Variants in CEP85L observed in about 807,000 individuals in gnomAD.
CEP85L encodes centrosomal protein of 85 kDa-like.
In CEP85L, 60 loss-of-function variants were observed where a neutral mutation model predicts 100.3. The ratio of observed to expected loss-of-function variants is 0.60; its 90% CI spans 0.49 to 0.74. The LOEUF (loss-of-function observed/expected upper bound fraction) is 0.74. Ranked by LOEUF, CEP85L falls within the 30% of genes least tolerant of loss-of-function variation. CEP85L has a pLI of 0.00. For missense variants in CEP85L, 973 were observed against 936.2 expected (o/e 1.04, Z -0.51); for synonymous variants, 319 against 322.7 (o/e 0.99, Z 0.12).
At chr6:118,572,394 G>C (rs1416207511) in intron 2 of CEP85L, among the ~76,000 whole-genome samples, 7 of 149,838 alleles carry the variant, frequency 4.7e-5, no homozygotes, top group Non-Finnish European at 1.0e-4. Flanking sequence ...TCTCTACTTA[G>C]AAAAAAACAA....
intron 1 of CEP85L, among the ~76,000 whole-genome samples, chr6:118,689,725 C>T (rs1258533361): frequency 6.6e-6 from 1 of 152,040 alleles, no homozygotes; most frequent in Non-Finnish European, 1.5e-5. Flanking sequence ...GGTTTGAAGC[C>T]TCATGAGTAC....
chr6:118,502,680 G>A, intron 5 of CEP85L: 1 of 461,144 alleles, frequency 2.2e-6, no homozygotes, highest in Non-Finnish European at 4.0e-6. Flanking sequence ...ATGAGCATTT[G>A]AACACCTGAC....
chr6:118,619,058 C>T (rs950704964), intron 2 of CEP85L, among the ~76,000 whole-genome samples: 16 of 151,556 alleles, frequency 1.1e-4, no homozygotes, highest in Admixed American at 6.5e-4. Context: ...GACGATCATG[C>T]GCTCCGAGCA....
chr6:118,656,232 C>G (rs1302352880), upstream of CEP85L, among the ~76,000 whole-genome samples: 1 of 151,844 alleles, frequency 6.6e-6, no homozygotes, highest in East Asian at 1.9e-4. Flanking sequence ...GAAAAAGGGG[C>G]AAAGAATGTA....
At position 118,668,976 on chromosome 6, in the gene CEP85L, G is replaced by A. The variant is rs562668493; in HGVS notation, c.-27-16168C>T. The stretch of plus-strand genomic sequence containing the variant: ...GACTCAAGTTTCTTGCCAGAGAGCT[G>A]ATTTGCAGAAGTAAACAAACTGGGA... On this transcript the variant is annotated intron_variant, in intron 1 of 13. Transcript: ENST00000368488. Among the ~76,000 whole-genome samples, 9 of 152,282 alleles carry A rather than the reference G, an allele frequency of 5.9e-5. No individual in the cohort carries two copies. In the South Asian group the frequency reaches 1.7e-3, roughly 28 times the overall value.
chr6:118,588,697 A>G (rs1004650014), intron 2 of CEP85L, among the ~76,000 whole-genome samples: 1 of 152,202 alleles, frequency 6.6e-6, no homozygotes, highest in Non-Finnish European at 1.5e-5. Context: ...ACTCAATACT[A>G]TAACTCAATA....
chr6:118,617,734 C>T (rs1214787138), intron 2 of CEP85L, among the ~76,000 whole-genome samples: 1 of 152,146 alleles, frequency 6.6e-6, no homozygotes, highest in East Asian at 1.9e-4. Context: ...GTATCTGTCA[C>T]TCGCCATGGT....
At chr6:118,607,068 A>G (rs62422222) in intron 2 of CEP85L, among the ~76,000 whole-genome samples, 1 of 152,084 alleles carries the variant, frequency 6.6e-6, no homozygotes, top group Non-Finnish European at 1.5e-5. Flanking sequence ...ATCATAAAGG[A>G]AAATTTTTTT....
chr6:118,491,114 G>A lies in CEP85L; in HGVS notation c.1437+572C>T, dbSNP rs115183340. Among the ~76,000 whole-genome samples, 1,234 of 150,886 alleles carry A rather than the reference G, an allele frequency of 8.2e-3. 14 individuals are homozygous for A. The highest frequency in any genetic ancestry group is 0.029 in the African/African-American group (1,172 of 41,102). ...AAGGAGTCTCCACGCTGTTCTCCAC[G>A]CTGTTTTCCATAGTTGTTGTACTCG... On this transcript the variant is annotated intron_variant, in intron 6 of 12. Transcript: ENST00000368491.
intron 1 of CEP85L, among the ~76,000 whole-genome samples, chr6:118,675,255 T>C (rs1776447367): frequency 6.6e-6 from 1 of 152,044 alleles, no homozygotes; most frequent in Non-Finnish European, 1.5e-5. Context: ...ACATAAAATA[T>C]ATACACTTTA....
intron 1 of CEP85L, among the ~76,000 whole-genome samples, chr6:118,669,864 C>T (rs931789392): frequency 1.3e-5 from 2 of 150,972 alleles, no homozygotes; most frequent in African/African-American, 4.9e-5. Context: ...TGGTAGAGCG[C>T]TGAATTGACT....
At chr6:118,590,703 TCTTG>T (rs1781139596) in intron 2 of CEP85L, among the ~76,000 whole-genome samples, 1 of 152,000 alleles carries the variant, frequency 6.6e-6, no homozygotes, top group Admixed American at 6.5e-5. Flanking sequence ...CTTCCTTCTT[TCTTG>T]CTTATTATTA....
chr6:118,535,362 C>T (rs191728161), intron 3 of CEP85L, among the ~76,000 whole-genome samples: 1 of 152,190 alleles, frequency 6.6e-6, no homozygotes, highest in African/African-American at 2.4e-5. Flanking sequence ...CAGTGGTTGC[C>T]AAGCGGGGTA....
upstream of CEP85L, among the ~76,000 whole-genome samples, chr6:118,653,149 C>T (rs1583230170): frequency 3.3e-5 from 5 of 152,206 alleles, 1 homozygote; most frequent in Admixed American, 3.3e-4. Context: ...TAAAGAAAAT[C>T]GTTTACTCGG....
At chr6:118,466,319 T>A (rs913102188) in intron 12 of CEP85L, among the ~76,000 whole-genome samples, 2 of 152,228 alleles carry the variant, frequency 1.3e-5, no homozygotes, top group Admixed American at 1.3e-4. Flanking sequence ...AGTGAGTGAC[T>A]GTTATTTTAA....
intron 5 of CEP85L, among the ~76,000 whole-genome samples, chr6:118,506,193 T>C (rs1335265266): frequency 6.6e-6 from 1 of 152,180 alleles, no homozygotes; most frequent in Non-Finnish European, 1.5e-5. Context: ...TTCAAACTGA[T>C]GCAATTTTAA....
At chr6:118,708,657 A>G (rs927297672) in intron 1 of CEP85L, among the ~76,000 whole-genome samples, 2 of 152,230 alleles carry the variant, frequency 1.3e-5, no homozygotes, top group African/African-American at 4.8e-5. Flanking sequence ...TGTTGAATCA[A>G]TAAAGTATGA....
chr6:118,476,992 A>C (rs955189694), intron 10 of CEP85L, among the ~76,000 whole-genome samples: 2 of 152,192 alleles, frequency 1.3e-5, no homozygotes, highest in Non-Finnish European at 2.9e-5. Flanking sequence ...ATAAGAAGGA[A>C]AGTAATGCCC....
In CEP85L at chr6:118,604,866, T is replaced by C. The variant is rs184875612; in HGVS notation, c.232+27587A>G. Among the ~76,000 whole-genome samples, 10 of 152,348 alleles carry C rather than the reference T, an allele frequency of 6.6e-5. No individual in the cohort carries two copies. The East Asian group carries it at 1.9e-3, about 29-fold the overall frequency. ...TTTTCAAGACATTTTATTTTACCTA[T>C]AATTTTTAAAACTGTCTTTATTTCC... On this transcript the variant is annotated intron_variant, in intron 2 of 12. Coordinates refer to ENST00000368491, the MANE Select transcript of CEP85L (RefSeq NM_001042475.3).
Sources: allele counts gnomAD v4.1 joint callset (sites outside exome capture counted in the v4.1 genomes callset), GRCh38; gene constraint gnomAD v4.1.1; transcripts MANE v1.5; gene names NCBI Gene and HGNC (gene_info 2026-07-23, HGNC 2026-07-21).